Variants in PRG4 observed in about 807,000 individuals in gnomAD.
PRG4 encodes articular superficial zone protein.
A neutral mutation model predicts 91.2 loss-of-function variants in PRG4; 61 were observed. That is an observed-to-expected ratio of 0.67 (90% CI 0.54 to 0.83). The LOEUF (loss-of-function observed/expected upper bound fraction) is 0.83. PRG4 is among the 40% of genes least tolerant of loss of function. The pLI, the probability that PRG4 is intolerant of heterozygous loss-of-function variation, is 0.00. For missense variants in PRG4, 1,564 were observed against 1,714.2 expected, an observed-to-expected ratio of 0.91 and a Z score of 1.55; for synonymous variants, 576 against 614.2, an observed-to-expected ratio of 0.94 and a Z score of 0.92.
rs901683291 is a variant in PRG4, at chr1:186,299,412, G to A, written c.77-679G>A. Among the ~76,000 whole-genome samples the A allele has an allele frequency of 3.3e-5, 5 of 152,330 alleles. No homozygotes were observed. In the East Asian group the frequency reaches 7.7e-4, roughly 24 times the overall value. On this transcript the variant is annotated intron_variant, in intron 2 of 12. Coordinates refer to ENST00000445192, the MANE Select transcript of PRG4 (RefSeq NM_005807.6). ...CAGCGTGCTTTAAACTTATCCTCAG[G>A]AATGGGAGGCAAAGCGACAGGTGGA...
intron 5 of PRG4, among the ~76,000 whole-genome samples, 156 bp downstream of exon 5, chr1:186,304,413 T>A (rs1177029011): frequency 6.6e-6 from 1 of 152,136 alleles, no homozygotes; most frequent in African/African-American, 2.4e-5. Context: ...TAAGTAAAGT[T>A]TAAGACAAAG....
In PRG4 at chr1:186,306,564, C is replaced by G. The variant is rs1239529352; in HGVS notation, c.845C>G (p.Thr282Arg). 1.9e-6 allele frequency: 3 copies of G among 1,613,258 alleles called. No individual in the cohort carries two copies. In the African/African-American group the frequency reaches 4.0e-5, roughly 22 times the overall value. ...KETSLTVNKE[T>R]TVETKETTTT... is the part of the protein sequence containing the mutation. The stretch of plus-strand genomic sequence containing the variant: ...ACGTCTTTGACAGTGAATAAAGAGA[C>G]AACAGTTGAAACTAAAGAAACTACT... Residue 282 changes from threonine (T) to arginine (R), a missense_variant, in exon 7 of 13, where the codon ACA (threonine) becomes AGA (arginine). Physicochemically the swap from Thr to Arg is moderately conservative, Grantham distance 71. Transcript: ENST00000445192.
At position 186,296,848 on chromosome 1, in the gene PRG4, A is replaced by G. The variant is rs1655887467; in HGVS notation, c.-28A>G. On this transcript the variant is annotated splice_region_variant and 5_prime_UTR_variant, in exon 2 of 13. Coordinates refer to ENST00000445192, the MANE Select transcript of PRG4 (RefSeq NM_005807.6). ...TGATACTTTTATTTTATTTTCAGCAAGGGTACCTACGGTACCTGAAAACAA... is the reference window on the plus strand; with the variant it reads ...TGATACTTTTATTTTATTTTCAGCAGGGGTACCTACGGTACCTGAAAACAA... 2 of 1,542,252 alleles carry G rather than the reference A, an allele frequency of 1.3e-6. No homozygotes were observed. Among genetic ancestry groups the G allele is most frequent in the Non-Finnish European group, 9.0e-7 (1 of 1,114,804 alleles).
intron 7 of PRG4, 57 bp downstream of exon 7, chr1:186,309,197 C>A: frequency 2.0e-6 from 3 of 1,527,000 alleles, no homozygotes; most frequent in Middle Eastern, 1.7e-4. Flanking sequence ...TTACATCTAT[C>A]TGAACCAGAA....
chr1:186,308,903 T>A lies in PRG4; in HGVS notation c.3184T>A (p.Leu1062Met), dbSNP rs754091071. 1 of 1,613,396 alleles carries A rather than the reference T, an allele frequency of 6.2e-7. No homozygotes were observed. Among genetic ancestry groups the A allele is most frequent in the South Asian group, 1.1e-5 (1 of 90,994 alleles). Residue 1062 changes from leucine (L) to methionine (M), a missense_variant, in exon 7 of 13, where the codon TTG (leucine) becomes ATG (methionine). Transcript: ENST00000445192. ...PRKMTSTMPE[L>M]NPTSRIAEAM... ...CAAGATGACATCAACAATGCCAGAATTGAACCCTACCTCAAGAATAGCAGA... is the reference window on the plus strand; with the variant it reads ...CAAGATGACATCAACAATGCCAGAAATGAACCCTACCTCAAGAATAGCAGA...
chr1:186,300,044 C>T (rs1226204033), intron 2 of PRG4, 47 bp from the exon 3 acceptor site: 1 of 1,606,560 alleles, frequency 6.2e-7, no homozygotes, highest in African/African-American at 1.3e-5. Context: ...TGCTCCCTTT[C>T]TATAAAGTGG....
Position 186,311,124 on chromosome 1 carries a change from C to T in PRG4, c.3590C>T (p.Thr1197Ile), listed in dbSNP as rs777133671. 6.2e-7 allele frequency: 1 copy of T among 1,613,484 alleles called. No homozygotes were observed. Among genetic ancestry groups the T allele is most frequent in the Non-Finnish European group, 8.5e-7 (1 of 1,179,430 alleles). ...TGGGGTATTCCTTCCCCCATTGATA[C>T]TGTTTTTACTAGGTGCAACTGTGAA... is the stretch of plus-strand genomic sequence containing the variant. Reference protein sequence around the residue: ...EVWGIPSPIDTVFTRCNCEGK... With the variant: ...EVWGIPSPIDIVFTRCNCEGK... The change falls in exon 9 of 13, where the codon ACT becomes ATT. Residue 1197 changes from threonine (T) to isoleucine (I), a missense_variant. Transcript: ENST00000445192.
chr1:186,303,643 C>A (rs965688563), intron 4 of PRG4, among the ~76,000 whole-genome samples: 3 of 151,748 alleles, frequency 2.0e-5, no homozygotes, highest in African/African-American at 7.2e-5. Context: ...TCATGTAGAA[C>A]TTTTGTAATT....
chr1:186,311,652 TTTTCA>T, intron 10 of PRG4, 56 bp downstream of exon 10: 2 of 1,512,516 alleles, frequency 1.3e-6, no homozygotes, highest in Non-Finnish European at 1.8e-6. Flanking sequence ...ACACTCAGCA[TTTTCA>T]TTTATTATTG....
At chr1:186,302,190 A>G (rs1391424018) in intron 4 of PRG4, among the ~76,000 whole-genome samples, 1 of 152,208 alleles carries the variant, frequency 6.6e-6, no homozygotes, top group Non-Finnish European at 1.5e-5. Flanking sequence ...AGTTTAAGCC[A>G]TTAAATTTAT....
intron 2 of PRG4, among the ~76,000 whole-genome samples, chr1:186,298,178 C>T (rs1655974839): frequency 6.6e-6 from 1 of 152,132 alleles, no homozygotes; most frequent in African/African-American, 2.4e-5. Context: ...GTCTGGAGTT[C>T]AAGAGCAGCC....
chr1:186,303,975 T>G (rs1026759142), intron 4 of PRG4, 133 bp from the exon 5 acceptor site: 19 of 909,614 alleles, frequency 2.1e-5, no homozygotes, highest in Non-Finnish European at 3.5e-5. Flanking sequence ...GTCATTCGTG[T>G]TGAGCTGGAG....
chr1:186,309,976 T>C, intron 8 of PRG4, 106 bp downstream of exon 8: 1 of 881,232 alleles, frequency 1.1e-6, no homozygotes, highest in East Asian at 2.4e-5. Context: ...TGGAGGGGAA[T>C]CTGATTGATA....
At position 186,308,184 on chromosome 1, in the gene PRG4, C is replaced by T; in HGVS notation, c.2465C>T (p.Thr822Ile). ...ACCTCTGACAAGCCTGCTCCAACTACACCTAAGGAGACTGCTCCAACTACC... is the reference window on the plus strand; with the variant it reads ...ACCTCTGACAAGCCTGCTCCAACTATACCTAAGGAGACTGCTCCAACTACC... Reference protein sequence around the residue: ...STTSDKPAPTTPKETAPTTPK... With the variant: ...STTSDKPAPTIPKETAPTTPK... Residue 822 changes from threonine (T) to isoleucine (I), a missense_variant, in exon 7 of 13, where the codon ACA (threonine) becomes ATA (isoleucine). Thr to Ile is a moderately conservative substitution (Grantham distance 89). Around this residue, in one of 3 missense-constraint regions of PRG4, gnomAD observed 1,079 missense variants for 1,162.2 expected, o/e 0.93. Transcript: ENST00000445192. 6.2e-7 allele frequency: 1 copy of T among 1,611,392 alleles called. No homozygotes were observed. The highest frequency in any genetic ancestry group is 8.5e-7 in the Non-Finnish European group (1 of 1,179,054).
intron 7 of PRG4, among the ~76,000 whole-genome samples, chr1:186,309,540 T>C (rs1172251650): frequency 1.3e-5 from 2 of 152,186 alleles, no homozygotes; most frequent in African/African-American, 2.4e-5. Context: ...AAATGTCTAG[T>C]TTACATGAAA....
chr1:186,308,761 T>C lies in PRG4; in HGVS notation c.3042T>C (p.Ser1014=). The C allele has an allele frequency of 6.2e-7, 1 of 1,613,722 alleles. No homozygotes were observed. Among genetic ancestry groups the C allele is most frequent in the Non-Finnish European group, 8.5e-7 (1 of 1,179,992 alleles). The part of the protein sequence containing the change: ...TAKPKDRATN[S]KATTPKPQKP... ...AACCAAAAGACAGAGCTACTAATTCTAAAGCGACAACTCCTAAACCTCAAA... is the reference window on the plus strand; with the variant it reads ...AACCAAAAGACAGAGCTACTAATTCCAAAGCGACAACTCCTAAACCTCAAA... Residue 1014 remains serine, a synonymous_variant, in exon 7 of 13, where the codon TCT becomes TCC. Transcript: ENST00000445192.
chr1:186,306,281 A>C, intron 6 of PRG4, 37 bp from the exon 7 acceptor site: 2 of 1,487,082 alleles, frequency 1.3e-6, no homozygotes, highest in Non-Finnish European at 1.8e-6. Context: ...AGAAAAAAAA[A>C]TATTCTAAAA....
intron 2 of PRG4, among the ~76,000 whole-genome samples, chr1:186,298,397 A>C (rs1246988780): frequency 6.6e-6 from 1 of 152,136 alleles, no homozygotes; most frequent in African/African-American, 2.4e-5. Context: ...TAAATAAATA[A>C]ATAAATAAAA....
Position 186,311,683 on chromosome 1 carries a change from G to A in PRG4, c.3793+87G>A. 4 of 1,363,502 alleles carry A rather than the reference G, an allele frequency of 2.9e-6. No individual in the cohort carries two copies. The South Asian group carries it at 4.8e-5, about 16-fold the overall frequency. 84.5% of individuals were successfully genotyped at this position (1,363,502 alleles called of 1,614,324 possible). On this transcript the variant is annotated intron_variant, in intron 10 of 12. Transcript: ENST00000445192. ...TTTATTATTGACTTTACTGTCAAAAGATATCTTTAATGGCTGAAATCAAAT... is the reference window on the plus strand; with the variant it reads ...TTTATTATTGACTTTACTGTCAAAAAATATCTTTAATGGCTGAAATCAAAT...
Sources: gnomAD v4.1 joint callset for allele counts (sites outside exome capture counted in the v4.1 genomes callset) on GRCh38, gnomAD v4.1.1 for gene constraint, gnomAD v4.1.1 regional missense constraint, MANE v1.5 for transcripts, NCBI Gene and HGNC (gene_info 2026-07-23, HGNC 2026-07-21) for gene names.